DCT: variants seen among roughly 807,000 people sequenced by gnomAD.
The protein encoded by DCT is L-dopachrome tautomerase.
Under a neutral mutation model 53.0 loss-of-function variants are expected in DCT, and 47 were observed. The observed-to-expected ratio is 0.89, with a 90% CI of 0.70 to 1.13. The LOEUF (loss-of-function observed/expected upper bound fraction) is 1.13. Among genes scored for constraint, DCT ranks in the 50% most tolerant of loss-of-function variants. The pLI is 0.00. For synonymous variants in DCT, 244 were observed against 237.0 expected (o/e 1.03, Z -0.27); for missense variants, 669 against 637.4 (o/e 1.05, Z -0.53).
At chr13:94,508,510 G>A in the DCT span, among the ~76,000 whole-genome samples, 5 of 152,056 alleles carry the variant, frequency 3.3e-5, no homozygotes, top group African/African-American at 1.2e-4. Context: ...AAGAAAGAAA[G>A]AAGGAAAAGA....
At chr13:94,495,304 C>T in the DCT span, among the ~76,000 whole-genome samples, 3 of 152,276 alleles carry the variant, frequency 2.0e-5, no homozygotes, top group South Asian at 6.2e-4. Context: ...ACCATGATGC[C>T]TGGGCTGGTT....
chr13:94,447,412 T>C (rs1882803955), intron 6 of DCT, among the ~76,000 whole-genome samples: 1 of 152,224 alleles, frequency 6.6e-6, no homozygotes, highest in African/African-American at 2.4e-5. Context: ...GAGAATCTAA[T>C]GCTGCTGATC....
the DCT span, among the ~76,000 whole-genome samples, chr13:94,543,072 G>C: frequency 2.0e-5 from 3 of 152,072 alleles, no homozygotes; most frequent in African/African-American, 7.2e-5. Context: ...AACCGGACAG[G>C]GTTATCCTGT....
chr13:94,490,220 C>G, the DCT span, among the ~76,000 whole-genome samples: 1 of 152,108 alleles, frequency 6.6e-6, no homozygotes, highest in African/African-American at 2.4e-5. Flanking sequence ...ACCAACTAAC[C>G]AAAGCTGGGC....
chr13:94,543,952 T>C, the DCT span, among the ~76,000 whole-genome samples: 379 of 151,866 alleles, frequency 2.5e-3, no homozygotes, highest in African/African-American at 8.9e-3. Context: ...GGAGAATTGG[T>C]TGAACCCAGG....
chr13:94,518,224 T>C, the DCT span, among the ~76,000 whole-genome samples: 1 of 152,052 alleles, frequency 6.6e-6, no homozygotes, highest in Non-Finnish European at 1.5e-5. Flanking sequence ...AACTGGCAAC[T>C]AAGTGTTGTT....
At chr13:94,535,316 T>A in the DCT span, among the ~76,000 whole-genome samples, 1 of 152,172 alleles carries the variant, frequency 6.6e-6, no homozygotes, top group African/African-American at 2.4e-5. Flanking sequence ...GTCACCTGCA[T>A]GAGTTGATTG....
At chr13:94,447,313 G>A (rs566787606) in intron 6 of DCT, among the ~76,000 whole-genome samples, 1 of 152,318 alleles carries the variant, frequency 6.6e-6, no homozygotes, top group Admixed American at 6.5e-5. Flanking sequence ...GTTCCACCTT[G>A]GATTATCAGA....
chr13:94,450,154 T>G (rs1882983176), intron 6 of DCT, among the ~76,000 whole-genome samples: 1 of 152,162 alleles, frequency 6.6e-6, no homozygotes, highest in Non-Finnish European at 1.5e-5. Context: ...ATGGCCGTTA[T>G]GAGCCAGGAA....
chr13:94,513,117 G>C, the DCT span, among the ~76,000 whole-genome samples: 1 of 152,216 alleles, frequency 6.6e-6, no homozygotes, highest in Non-Finnish European at 1.5e-5. Flanking sequence ...CCTGATTCAC[G>C]TCTGTGCTTT....
chr13:94,480,280 G>C (rs1885385073), upstream of DCT, among the ~76,000 whole-genome samples: 1 of 152,148 alleles, frequency 6.6e-6, no homozygotes, highest in Admixed American at 6.5e-5. Context: ...TGGAATGAAG[G>C]CTTGCAAGCA....
chr13:94,447,928 C>T (rs1009338696), intron 6 of DCT, among the ~76,000 whole-genome samples: 1 of 152,122 alleles, frequency 6.6e-6, no homozygotes, highest in African/African-American at 2.4e-5. Flanking sequence ...TTGTAGCTCT[C>T]AGGAGGGCTA....
At chr13:94,458,056 T>G (rs78228440) in intron 6 of DCT, among the ~76,000 whole-genome samples, 2 of 152,206 alleles carry the variant, frequency 1.3e-5, no homozygotes, top group African/African-American at 4.8e-5. Context: ...AGACAAATTA[T>G]GAACATTGTC....
At position 94,460,114 on chromosome 13, in the gene DCT, C is replaced by T. The variant is rs748554211; in HGVS notation, c.1156G>A (p.Ala386Thr). Reference protein sequence around the residue: ...LNGTNALPHSAANDPIFVVLH... With the variant: ...LNGTNALPHSTANDPIFVVLH... Reference sequence around the variant, plus strand: ...ACCACAAAAATGGGATCATTGGCGGCTGAATGTGGCAAAGCGTTTGTCCCG... The same window carrying T: ...ACCACAAAAATGGGATCATTGGCGGTTGAATGTGGCAAAGCGTTTGTCCCG... The change falls in exon 6 of 8, where the codon GCC (alanine) becomes ACC (threonine). Residue 386 changes from alanine (A) to threonine (T), a missense_variant. Transcript: ENST00000377028. 15 of 1,613,916 alleles carry T rather than the reference C, an allele frequency of 9.3e-6. No individual in the cohort carries two copies. Among genetic ancestry groups the T allele is most frequent in the Non-Finnish European group, 1.2e-5 (14 of 1,179,998 alleles).
the DCT span, among the ~76,000 whole-genome samples, chr13:94,493,865 CAA>C: frequency 8.5e-5 from 13 of 152,274 alleles, no homozygotes; most frequent in East Asian, 2.3e-3. Flanking sequence ...GTGCACAACA[CAA>C]AGAGTGAACC....
At chr13:94,495,494 A>G in the DCT span, among the ~76,000 whole-genome samples, 85,684 of 152,102 alleles carry the variant, frequency 0.56, 24,219 homozygotes, top group Middle Eastern at 0.67. Context: ...CGCCCAAGAC[A>G]TAATTTCATC....
At chr13:94,475,718 G>A (rs1016277927) in intron 1 of DCT, among the ~76,000 whole-genome samples, 1 of 152,152 alleles carries the variant, frequency 6.6e-6, no homozygotes, top group Non-Finnish European at 1.5e-5. Context: ...GAACCACGAG[G>A]AACCTTTGGA....
At position 94,479,123 on chromosome 13, in the gene DCT, C is replaced by CGACT; in HGVS notation, c.132_133insAGTC (p.Gly45SerfsTer39). On this transcript the variant is annotated frameshift_variant, in exon 1 of 8. Transcript: ENST00000377028. LOFTEE classifies it high-confidence loss of function. ...CCACAGACATTGGCCGACTCTGCAC[C>CGACT]CAGGCGTGGGCAGCACTCCTTGTTC... 6.2e-7 allele frequency: 1 copy of CGACT among 1,614,212 alleles called. No individual in the cohort carries two copies. The highest frequency in any genetic ancestry group is 8.5e-7 in the Non-Finnish European group (1 of 1,180,042).
chr13:94,447,047 T>G (rs1479744882), intron 6 of DCT, among the ~76,000 whole-genome samples: 1 of 152,198 alleles, frequency 6.6e-6, no homozygotes, highest in Non-Finnish European at 1.5e-5. Context: ...ATTATTACCC[T>G]GTTTTACAGA....
Sources: gnomAD v4.1 joint callset for allele counts (sites outside exome capture counted in the v4.1 genomes callset) on GRCh38, gnomAD v4.1.1 for gene constraint, MANE v1.5 for transcripts, NCBI Gene and HGNC (gene_info 2026-07-23, HGNC 2026-07-21) for gene names.